TNR: variants seen among roughly 807,000 people sequenced by gnomAD.
TNR encodes tenascin-R.
TNR carries 45 observed loss-of-function variants against 150.4 expected under a neutral mutation model. That is an observed-to-expected ratio of 0.30 (90% CI 0.24 to 0.38). TNR has a LOEUF of 0.38. Ranked by LOEUF, TNR falls within the 10% of genes least tolerant of loss-of-function variation. The probability of loss-of-function intolerance (pLI) is 1.00; values close to 1 mark genes in which losing one functional copy is unlikely to be tolerated. For synonymous variants in TNR, 687 were observed against 678.4 expected (o/e 1.01, Z -0.20); for missense variants, 1,544 against 1,759.1 (o/e 0.88, Z 2.19).
chr1:175,474,538 A>C (rs1225424829), intron 2 of TNR, among the ~76,000 whole-genome samples: 2 of 152,242 alleles, frequency 1.3e-5, no homozygotes, highest in African/African-American at 4.8e-5. Flanking sequence ...TTGTTATGGC[A>C]GCCTGAGCAA....
intron 1 of TNR, among the ~76,000 whole-genome samples, chr1:175,625,702 G>A (rs925417501): frequency 6.6e-6 from 1 of 152,218 alleles, no homozygotes; most frequent in Non-Finnish European, 1.5e-5. Context: ...CACTGCAGAA[G>A]TTGATTGCAA....
rs1012893163 is a variant in TNR at position 175,659,828 on chromosome 1, A to G, written c.-165+83398T>C. On this transcript the variant is annotated intron_variant, in intron 1 of 22. Transcript: ENST00000367674. ...CACTGGGATAACTCCAGGAGGTGGC[A>G]GGTGTGGTGGGGAGGAGGGCCTGTT... is the stretch of plus-strand genomic sequence containing the variant. 8.6e-5 allele frequency among the ~76,000 whole-genome samples: 13 copies of G among 151,120 alleles called. No individual in the cohort carries two copies. In the East Asian group the frequency reaches 2.0e-3, roughly 23 times the overall value.
At chr1:175,362,578 T>A (rs1301034212) in intron 14 of TNR, 85 bp downstream of exon 14, 8 of 1,545,100 alleles carry the variant, frequency 5.2e-6, no homozygotes, top group Non-Finnish European at 7.0e-6. Context: ...AGCCTTAGCC[T>A]CCAGAACCTT....
chr1:175,455,962 C>T (rs1656556039), intron 2 of TNR, among the ~76,000 whole-genome samples: 1 of 152,164 alleles, frequency 6.6e-6, no homozygotes, highest in African/African-American at 2.4e-5. Context: ...AATAATTCTT[C>T]CAGGACAACA....
At chr1:175,359,164 T>TTTTTTTTG (rs1651472481) in intron 15 of TNR, among the ~76,000 whole-genome samples, 1 of 139,440 alleles carries the variant, frequency 7.2e-6, no homozygotes, top group African/African-American at 2.8e-5. Flanking sequence ...TTTTTTTTTT[T>TTTTTTTTG]AGATGGAGTC....
chr1:175,567,588 A>G (rs1661693830), intron 1 of TNR, among the ~76,000 whole-genome samples: 1 of 152,326 alleles, frequency 6.6e-6, no homozygotes, highest in South Asian at 2.1e-4. Context: ...TGTGATGTTC[A>G]TGTCATATCA....
At chr1:175,432,560 G>T (rs1215914227) in intron 2 of TNR, among the ~76,000 whole-genome samples, 1 of 151,584 alleles carries the variant, frequency 6.6e-6, no homozygotes, top group Non-Finnish European at 1.5e-5. Context: ...TTTCCTACAC[G>T]ACTTTCTTTC....
intron 1 of TNR, among the ~76,000 whole-genome samples, chr1:175,681,082 G>T (rs187634609): frequency 3.9e-5 from 6 of 152,270 alleles, no homozygotes; most frequent in African/African-American, 1.4e-4. Context: ...CAGACAGGTT[G>T]GTGAGTACAA....
Position 175,468,327 on chromosome 1 carries a change from G to T in TNR, c.-64+59942C>A, listed in dbSNP as rs115559956. Among the ~76,000 whole-genome samples the T allele has an allele frequency of 6.7e-4, 102 of 152,300 alleles. 1 individual carries two copies. Among genetic ancestry groups the T allele is most frequent in the African/African-American group, 2.4e-3 (100 of 41,548 alleles). ...TATATGGATGGAAACAACAATACTT[G>T]CCCTGTGGAGTGCCTGTGCAACTTA... On this transcript the variant is annotated intron_variant, in intron 2 of 22. Transcript: ENST00000367674.
At chr1:175,458,915 C>T (rs1384811968) in intron 2 of TNR, among the ~76,000 whole-genome samples, 1 of 150,088 alleles carries the variant, frequency 6.7e-6, no homozygotes, top group Non-Finnish European at 1.5e-5. Context: ...ATCGCTTCTA[C>T]CACCACCACC....
intron 1 of TNR, among the ~76,000 whole-genome samples, chr1:175,734,821 T>C (rs571501272): frequency 3.3e-5 from 5 of 152,312 alleles, no homozygotes; most frequent in Admixed American, 2.0e-4. Flanking sequence ...TCCCACCCCA[T>C]GGCTGGCTCC....
chr1:175,379,006 C>T (rs984304643), intron 9 of TNR, among the ~76,000 whole-genome samples: 4 of 152,032 alleles, frequency 2.6e-5, no homozygotes, highest in African/African-American at 9.7e-5. Flanking sequence ...ATGGAGAAAC[C>T]CTGTCTCTAC....
chr1:175,541,103 C>A (rs536844563), intron 1 of TNR, among the ~76,000 whole-genome samples: 4 of 152,260 alleles, frequency 2.6e-5, no homozygotes, highest in South Asian at 2.1e-4. Context: ...TATTTATTCT[C>A]CAGAATTCAC....
chr1:175,654,569 A>G (rs1167087110), intron 1 of TNR, among the ~76,000 whole-genome samples: 1 of 152,062 alleles, frequency 6.6e-6, no homozygotes, highest in Non-Finnish European at 1.5e-5. Context: ...AAGCTGGACT[A>G]TTTCACTGCT....
intron 4 of TNR, 94 bp downstream of exon 4, chr1:175,403,046 T>G (rs552957753): frequency 1.4e-5 from 15 of 1,084,392 alleles, no homozygotes; most frequent in African/African-American, 3.1e-5. Context: ...AAACTTCACT[T>G]TCTCACTCAT....
At chr1:175,391,013 C>A (rs1199389357) in intron 7 of TNR, among the ~76,000 whole-genome samples, 1 of 152,190 alleles carries the variant, frequency 6.6e-6, no homozygotes. Flanking sequence ...GAGTGTTCTT[C>A]ATGAGTAAGA....
intron 2 of TNR, among the ~76,000 whole-genome samples, chr1:175,509,805 G>T (rs1169949769): frequency 2.6e-5 from 4 of 152,122 alleles, no homozygotes; most frequent in African/African-American, 9.7e-5. Flanking sequence ...TCTGGACCAG[G>T]GACCATCTTG....
At chr1:175,356,881 C>T (rs529748763) in intron 15 of TNR, among the ~76,000 whole-genome samples, 4 of 152,226 alleles carry the variant, frequency 2.6e-5, no homozygotes, top group South Asian at 2.1e-4. Flanking sequence ...TCTCTGAACA[C>T]GTAACAGTTT....
intron 1 of TNR, among the ~76,000 whole-genome samples, chr1:175,720,115 A>G (rs1361418679): frequency 6.6e-6 from 1 of 152,218 alleles, no homozygotes; most frequent in Admixed American, 6.5e-5. Flanking sequence ...TTAGAGCCCT[A>G]AACCCCAGTG....
Sources: allele counts gnomAD v4.1 joint callset (sites outside exome capture counted in the v4.1 genomes callset), GRCh38; gene constraint gnomAD v4.1.1; transcripts MANE v1.5; gene names NCBI Gene and HGNC (gene_info 2026-07-23, HGNC 2026-07-21).